TLN2: variants seen among roughly 807,000 people sequenced by gnomAD.
TLN2 encodes talin 2, also known as talin-2.
Under a neutral mutation model 294.7 loss-of-function variants are expected in TLN2, and 118 were observed. The observed-to-expected ratio is 0.40, with a 90% CI of 0.34 to 0.47. The LOEUF is 0.47. Among genes scored for constraint, TLN2 ranks in the 20% least tolerant of loss-of-function variants. The probability of loss-of-function intolerance (pLI) is 0.84; values close to 1 mark genes in which losing one functional copy is unlikely to be tolerated. For synonymous variants in TLN2, 1,431 were observed against 1,304.5 expected (o/e 1.10, Z -2.09); for missense variants, 3,083 against 3,282.2 (o/e 0.94, Z 1.48).
chr15:62,476,869 C>T (rs1464055230), intron 1 of TLN2, among the ~76,000 whole-genome samples: 1 of 152,196 alleles, frequency 6.6e-6, no homozygotes, highest in African/African-American at 2.4e-5. Flanking sequence ...ATGCCACCCC[C>T]TTTAGAGATG....
chr15:62,676,387 C>T (rs2056192463), intron 11 of TLN2, among the ~76,000 whole-genome samples: 2 of 152,186 alleles, frequency 1.3e-5, no homozygotes, highest in Admixed American at 1.3e-4. Flanking sequence ...AGAACGTATA[C>T]ATCAGTCACC....
chr15:62,504,899 C>T (rs1193067476), intron 1 of TLN2, among the ~76,000 whole-genome samples: 1 of 151,316 alleles, frequency 6.6e-6, no homozygotes, highest in East Asian at 1.9e-4. Context: ...CTAAACTCTG[C>T]CCCACTGCTC....
intron 1 of TLN2, among the ~76,000 whole-genome samples, chr15:62,523,766 A>G (rs1259443571): frequency 1.3e-5 from 2 of 152,268 alleles, no homozygotes; most frequent in African/African-American, 4.8e-5. Flanking sequence ...GACAGTGTAC[A>G]CACCTCAATA....
intron 9 of TLN2, among the ~76,000 whole-genome samples, chr15:62,671,193 T>C (rs1481768048): frequency 1.3e-5 from 2 of 152,240 alleles, no homozygotes; most frequent in African/African-American, 4.8e-5. Context: ...AATTTCCTCA[T>C]ACATAATTTG....
Position 62,415,035 on chromosome 15 carries a change from A to C in TLN2, c.-238+24350A>C, listed in dbSNP as rs909531786. ...CAAGCAATTCTGCCTCAGCCCCCCG[A>C]GTAGCTGGGATTACAGGCGTGCACC... On this transcript the variant is annotated intron_variant, in intron 1 of 58. Coordinates refer to ENST00000636159, the MANE Select transcript of TLN2 (RefSeq NM_015059.3). 2.1e-5 allele frequency among the ~76,000 whole-genome samples: 3 copies of C among 140,486 alleles called. 1 individual carries two copies. Among genetic ancestry groups the C allele is most frequent in the East Asian group, 7.0e-4 (2 of 2,870 alleles). 92.2% of individuals were successfully genotyped at this position (140,486 alleles called of 152,430 possible). A position where few individuals can be genotyped will look rare whatever the true frequency, so the allele number is the denominator to read the frequency against.
intron 1 of TLN2, among the ~76,000 whole-genome samples, chr15:62,581,500 G>A (rs1596232499): frequency 6.6e-6 from 1 of 152,166 alleles, no homozygotes; most frequent in South Asian, 2.1e-4. Flanking sequence ...GTGGCTTTGT[G>A]CTCTTTTAAA....
rs143185631 is a variant in TLN2 at position 62,435,958 on chromosome 15, T to A, written c.-238+45273T>A. Among the ~76,000 whole-genome samples, 146 of 152,362 alleles carry A rather than the reference T, an allele frequency of 9.6e-4. 1 individual carries two copies. The highest frequency in any genetic ancestry group is 1.6e-3 in the Non-Finnish European group (111 of 68,040). ...AAAATTTGTTTTATGTAGTCAAATT[T>A]ATTAATCTTTATGAATTTTGGATTT... On this transcript the variant is annotated intron_variant, in intron 1 of 58. Coordinates refer to ENST00000636159, the MANE Select transcript of TLN2 (RefSeq NM_015059.3).
At position 62,776,782 on chromosome 15, in the gene TLN2, G is replaced by T. The variant is rs765019963; in HGVS notation, c.5386G>T (p.Ala1796Ser). ...TTCTCAGGCACAACACACCCATGAC[G>T]CCATCACAGAGGCCGCCCAGTTGAT... ...GNPKAQHTHD[A>S]ITEAAQLMKE... Residue 1796 changes from alanine (A) to serine (S), a missense_variant, in exon 43 of 59, where the codon GCC becomes TCC. Physicochemically the swap from Ala to Ser is moderately conservative, Grantham distance 99. Coordinates refer to ENST00000636159, the MANE Select transcript of TLN2 (RefSeq NM_015059.3). 1 of 1,584,898 alleles carries T rather than the reference G, an allele frequency of 6.3e-7. No homozygotes were observed. Among genetic ancestry groups the T allele is most frequent in the Non-Finnish European group, 8.6e-7 (1 of 1,163,868 alleles).
intron 1 of TLN2, among the ~76,000 whole-genome samples, chr15:62,533,269 A>AAAC (rs2041154423): frequency 6.6e-6 from 1 of 151,204 alleles, no homozygotes; most frequent in East Asian, 1.9e-4. Flanking sequence ...AAAAAAAAAA[A>AAAC]AAAAAAAAGT....
chr15:62,411,601 ATTGAGGT>A (rs1466012985), intron 1 of TLN2, among the ~76,000 whole-genome samples: 1 of 151,916 alleles, frequency 6.6e-6, no homozygotes, highest in Non-Finnish European at 1.5e-5. Flanking sequence ...GGTTTTGCCC[ATTGAGGT>A]TGAGGTTGGA....
At chr15:62,826,416 C>A (rs1360538368) in intron 54 of TLN2, among the ~76,000 whole-genome samples, 1 of 152,192 alleles carries the variant, frequency 6.6e-6, no homozygotes, top group Non-Finnish European at 1.5e-5. Context: ...CAGGCACAGC[C>A]ATTTGGCAGT....
intron 3 of TLN2, among the ~76,000 whole-genome samples, chr15:62,633,583 C>T (rs936195730): frequency 2.0e-5 from 3 of 152,162 alleles, no homozygotes; most frequent in African/African-American, 2.4e-5. Context: ...GGATTTTAGG[C>T]GTGAGGCCCA....
intron 1 of TLN2, among the ~76,000 whole-genome samples, chr15:62,491,609 T>C (rs147534665): frequency 1.2e-3 from 181 of 152,262 alleles, no homozygotes; most frequent in African/African-American, 4.0e-3. Context: ...GGAAACTCCT[T>C]GTGAGGGAGG....
At chr15:62,813,825 T>A (rs1256711670) in intron 52 of TLN2, among the ~76,000 whole-genome samples, 2 of 152,150 alleles carry the variant, frequency 1.3e-5, no homozygotes, top group Non-Finnish European at 2.9e-5. Context: ...GGCTTTTTTT[T>A]TTTTTGGAGA....
At chr15:62,750,306 G>A in intron 33 of TLN2, 96 bp from the exon 34 acceptor site, 2 of 976,424 alleles carry the variant, frequency 2.0e-6, no homozygotes, top group Non-Finnish European at 3.3e-6. Context: ...CCAGAAACTT[G>A]TGTATGGAGG....
intron 28 of TLN2, among the ~76,000 whole-genome samples, chr15:62,727,818 T>G (rs183143433): frequency 6.6e-5 from 10 of 152,310 alleles, no homozygotes; most frequent in South Asian, 2.1e-4. Context: ...ACCAAGAGGT[T>G]TCAGTATGAG....
intron 1 of TLN2, among the ~76,000 whole-genome samples, chr15:62,547,404 G>A (rs948549649): frequency 2.0e-5 from 3 of 152,168 alleles, no homozygotes; most frequent in Non-Finnish European, 2.9e-5. Context: ...GTCATATTCA[G>A]TGGACATAGT....
At chr15:62,671,013 C>G (rs1187589561) in intron 9 of TLN2, among the ~76,000 whole-genome samples, 3 of 152,120 alleles carry the variant, frequency 2.0e-5, no homozygotes, top group Non-Finnish European at 4.4e-5. Context: ...TGTGGTTTTT[C>G]TTTGCATTTC....
chr15:62,514,526 A>G (rs1250313617), intron 1 of TLN2, among the ~76,000 whole-genome samples: 1 of 152,244 alleles, frequency 6.6e-6, no homozygotes, highest in Non-Finnish European at 1.5e-5. Flanking sequence ...GGTCATTAGC[A>G]TGTAAATATA....
Sources: gnomAD v4.1 joint callset for allele counts (sites outside exome capture counted in the v4.1 genomes callset) on GRCh38, gnomAD v4.1.1 for gene constraint, MANE v1.5 for transcripts, NCBI Gene and HGNC (gene_info 2026-07-23, HGNC 2026-07-21) for gene names.